Variants in GABRR3 observed in about 807,000 individuals in gnomAD.
GABRR3 encodes gamma-aminobutyric acid receptor subunit rho-3.
Under a neutral mutation model 43.2 loss-of-function variants are expected in GABRR3, and 29 were observed. The ratio of observed to expected loss-of-function variants is 0.67; its 90% CI spans 0.50 to 0.92. GABRR3 has a LOEUF of 0.92. GABRR3 is among the 40% of genes least tolerant of loss of function. The pLI is 0.00. For missense variants in GABRR3, 576 were observed against 572.3 expected (o/e 1.01, Z -0.07); for synonymous variants, 206 against 195.9 (o/e 1.05, Z -0.43).
In GABRR3 at chr3:97,986,825, C is replaced by G. The variant is rs141112061; in HGVS notation, c.1262G>C (p.Arg421Pro). Reference sequence around the variant, plus strand: ...TCCTAGGGATTTTCTTCTCTTTATCCGAGATGAATCGGTGCTGGGGCTGCA... The same window carrying G: ...TCCTAGGGATTTTCTTCTCTTTATCGGAGATGAATCGGTGCTGGGGCTGCA... The change falls in exon 10 of 10, where the codon CGG (arginine) becomes CCG (proline). Residue 421 changes from arginine to proline, a missense_variant. Physicochemically the swap from Arg to Pro is moderately radical, Grantham distance 103. Coordinates refer to ENST00000621172, the Ensembl canonical transcript of GABRR3. 36 of 1,612,332 alleles carry G rather than the reference C, an allele frequency of 2.2e-5. No individual in the cohort carries two copies. The East Asian group carries it at 4.0e-4, about 18-fold the overall frequency.
At chr3:98,004,991 T>G (rs914005351) in intron 7 of GABRR3, among the ~76,000 whole-genome samples, 6 of 152,088 alleles carry the variant, frequency 3.9e-5, no homozygotes, top group Admixed American at 3.3e-4. Flanking sequence ...AGTTTCTAAA[T>G]GTAATCTTTC....
intron 6 of GABRR3, among the ~76,000 whole-genome samples, chr3:98,008,713 G>GA (rs1706752055): frequency 7.8e-6 from 1 of 128,828 alleles, no homozygotes; most frequent in African/African-American, 2.9e-5. Flanking sequence ...GGAAACTACA[G>GA]AATATGCAAT....
intron 5 of GABRR3, among the ~76,000 whole-genome samples, chr3:98,012,128 CAT>C (rs1706801153): frequency 6.6e-6 from 1 of 152,156 alleles, no homozygotes; most frequent in African/African-American, 2.4e-5. Flanking sequence ...GTCCAATCGA[CAT>C]ATACCCAGAG....
chr3:98,027,556 A>G (rs913020581), intron 2 of GABRR3, among the ~76,000 whole-genome samples: 2 of 152,382 alleles, frequency 1.3e-5, no homozygotes, highest in South Asian at 4.1e-4. Context: ...TGCTTAAGAC[A>G]GAGCCCACTG....
chr3:98,030,515 A>G (rs13084407), intron 2 of GABRR3, among the ~76,000 whole-genome samples: 2,819 of 152,368 alleles, frequency 0.019, 44 homozygotes, highest in South Asian at 0.046. Context: ...AGTTTCATGA[A>G]TCAGGATTAG....
chr3:97,994,220 A>G (rs1245072189), intron 8 of GABRR3, among the ~76,000 whole-genome samples: 1 of 152,240 alleles, frequency 6.6e-6, no homozygotes, highest in Non-Finnish European at 1.5e-5. Flanking sequence ...TGCTTTCACC[A>G]ACACCTTTCT....
intron 8 of GABRR3, among the ~76,000 whole-genome samples, chr3:97,994,905 G>A (rs1576036553): frequency 6.6e-6 from 1 of 152,084 alleles, no homozygotes; most frequent in South Asian, 2.1e-4. Context: ...GTCTTACTCT[G>A]TTCAAGATTT....
intron 9 of GABRR3, among the ~76,000 whole-genome samples, chr3:97,987,812 T>A (rs1052484338): frequency 2.0e-5 from 3 of 152,150 alleles, no homozygotes; most frequent in African/African-American, 7.2e-5. Context: ...GTTCTCACTC[T>A]ATCATCTAGG....
chr3:97,989,896 T>C (rs1288915118), intron 9 of GABRR3, among the ~76,000 whole-genome samples: 1 of 152,180 alleles, frequency 6.6e-6, no homozygotes, highest in African/African-American at 2.4e-5. Flanking sequence ...GCTTTACCAA[T>C]AACAAAGGTG....
intron 5 of GABRR3, among the ~76,000 whole-genome samples, chr3:98,011,964 C>A (rs1318867976): frequency 1.3e-5 from 2 of 152,132 alleles, no homozygotes; most frequent in African/African-American, 4.8e-5. Flanking sequence ...ATGAAGGAGA[C>A]AACTAAGAAA....
exon 4 of GABRR3, chr3:98,017,689 A>G (rs1390998485): frequency 6.2e-7 from 1 of 1,611,368 alleles, no homozygotes; most frequent in South Asian, 1.1e-5. Flanking sequence ...AATGCTTTCA[A>G]CATGGACATC....
At chr3:98,032,803 T>C (rs999323957) in intron 2 of GABRR3, among the ~76,000 whole-genome samples, 2 of 152,180 alleles carry the variant, frequency 1.3e-5, no homozygotes, top group Non-Finnish European at 2.9e-5. Context: ...ATCCCCCTTA[T>C]AATTTTCAAA....
intron 4 of GABRR3, 123 bp from the exon 5 acceptor site, chr3:98,012,690 A>G: frequency 1.5e-6 from 1 of 652,972 alleles, no homozygotes; most frequent in South Asian, 1.9e-5. Context: ...AATGGTTAAT[A>G]TTGTAGTTTC....
downstream of GABRR3, among the ~76,000 whole-genome samples, chr3:97,986,062 C>T (rs2107221802): frequency 6.6e-6 from 1 of 152,250 alleles, no homozygotes; most frequent in African/African-American, 2.4e-5. Context: ...GACGGGGTTT[C>T]ACCATGTTGG....
intron 6 of GABRR3, 124 bp downstream of exon 6, chr3:98,008,832 T>A: frequency 2.4e-6 from 1 of 408,342 alleles, no homozygotes; most frequent in Non-Finnish European, 4.3e-6. Context: ...GCCACAATTG[T>A]TTCAGTTTTG....
At chr3:98,013,436 A>G (rs998554310) in intron 4 of GABRR3, among the ~76,000 whole-genome samples, 1 of 152,232 alleles carries the variant, frequency 6.6e-6, no homozygotes, top group Non-Finnish European at 1.5e-5. Flanking sequence ...CTTCATCCAA[A>G]TTATTGGCTG....
chr3:97,990,125 G>C (rs527241896), intron 9 of GABRR3, among the ~76,000 whole-genome samples: 13 of 152,230 alleles, frequency 8.5e-5, no homozygotes, highest in African/African-American at 2.4e-4. Context: ...CCTCAGGGCA[G>C]GTGTTCTGGG....
In GABRR3 at chr3:98,035,047, A is replaced by T. The variant is rs1707134634; in HGVS notation, c.-2-58T>A. The T allele has an allele frequency of 1.9e-6, 3 of 1,554,962 alleles. No homozygotes were observed. In the South Asian group the frequency reaches 3.6e-5, roughly 18 times the overall value. ...TGAACGCAACCAATACTGTGATCAC[A>T]GTTTCTTCTTCATGTGTCTTTTAAA... On this transcript the variant is annotated intron_variant, in intron 1 of 9. Coordinates refer to ENST00000621172, the Ensembl canonical transcript of GABRR3.
intron 9 of GABRR3, among the ~76,000 whole-genome samples, chr3:97,989,979 A>G (rs1013087920): frequency 2.6e-5 from 4 of 152,082 alleles, no homozygotes; most frequent in Non-Finnish European, 5.9e-5. Context: ...CTCCATATAT[A>G]TATACAGGTG....
Sources: gnomAD v4.1 joint callset for allele counts (sites outside exome capture counted in the v4.1 genomes callset) on GRCh38, gnomAD v4.1.1 for gene constraint, MANE v1.5 for transcripts, NCBI Gene and HGNC (gene_info 2026-07-23, HGNC 2026-07-21) for gene names.